The following FERMT1 variants were observed in gnomAD, a reference collection of about 807,000 sequenced individuals.
FERMT1 encodes fermitin family homolog 1.
In FERMT1, 60 loss-of-function variants were observed where a neutral mutation model predicts 85.3. The observed-to-expected ratio is 0.70, with a 90% CI of 0.57 to 0.87. The LOEUF is 0.87. FERMT1 is among the 40% of genes least tolerant of loss of function. The pLI is 0.00. For synonymous variants in FERMT1, 275 were observed against 301.1 expected, an observed-to-expected ratio of 0.91 and a Z score of 0.90; for missense variants, 701 against 818.9, an observed-to-expected ratio of 0.86 and a Z score of 1.76.
chr20:6,119,937 T>C (rs991048882), intron 1 of FERMT1, among the ~76,000 whole-genome samples: 2 of 152,214 alleles, frequency 1.3e-5, no homozygotes, highest in African/African-American at 2.4e-5. Flanking sequence ...ATCTTCCATA[T>C]TATCTTTTAA....
rs745933991 is a variant in FERMT1, at chr20:6,079,493, C to T, written c.1803G>A (p.Val601=). 1.2e-6 allele frequency: 2 copies of T among 1,613,910 alleles called. No individual in the cohort carries two copies. Among genetic ancestry groups the T allele is most frequent in the South Asian group, 1.1e-5 (1 of 91,068 alleles). ...TGATATTTGTGAATCTCCATGTTGT[C>T]ACTGGAATCCCGGTGGCTGCATCAA... The part of the protein sequence containing the change: ...IKIDAATGIP[V]TTWRFTNIKQ... Residue 601 remains valine (V), a synonymous_variant, in exon 14 of 15, where the codon GTG becomes GTA. Transcript: ENST00000217289.
chr20:6,100,010 G>C (rs979322146), intron 6 of FERMT1, among the ~76,000 whole-genome samples: 1 of 150,140 alleles, frequency 6.7e-6, no homozygotes, highest in Non-Finnish European at 1.5e-5. Flanking sequence ...GAGAGAAAAT[G>C]GATAGTGGTA....
At chr20:6,113,261 C>T (rs937189163) in intron 3 of FERMT1, among the ~76,000 whole-genome samples, 1 of 152,140 alleles carries the variant, frequency 6.6e-6, no homozygotes, top group African/African-American at 2.4e-5. Flanking sequence ...GTGAGGCCTC[C>T]CCAGCCATGT....
At chr20:6,096,104 G>A (rs1462018512) in intron 8 of FERMT1, among the ~76,000 whole-genome samples, 2 of 152,182 alleles carry the variant, frequency 1.3e-5, no homozygotes, top group Non-Finnish European at 2.9e-5. Flanking sequence ...GAGGGTTTTC[G>A]TTTGTCTCCT....
chr20:6,121,216 G>A (rs962279045), intron 1 of FERMT1, among the ~76,000 whole-genome samples: 6 of 152,102 alleles, frequency 3.9e-5, no homozygotes, highest in African/African-American at 9.7e-5. Flanking sequence ...TCTGCCTCCC[G>A]GGTTCAAGCA....
At chr20:6,077,557 T>C (rs933810142) in intron 14 of FERMT1, among the ~76,000 whole-genome samples, 5 of 152,330 alleles carry the variant, frequency 3.3e-5, no homozygotes, top group African/African-American at 1.2e-4. Context: ...TCGACTTTGC[T>C]GCACGTCTGG....
chr20:6,092,771 G>A (rs2123112477), intron 9 of FERMT1, among the ~76,000 whole-genome samples: 1 of 152,260 alleles, frequency 6.6e-6, no homozygotes, highest in East Asian at 1.9e-4. Flanking sequence ...ACACAGGACT[G>A]AAAGGTTCAT....
chr20:6,087,691 G>T (rs1417047327), intron 11 of FERMT1, 86 bp downstream of exon 11: 1 of 784,598 alleles, frequency 1.3e-6, no homozygotes, highest in Non-Finnish European at 2.4e-6. Flanking sequence ...ACACAATAGT[G>T]CTCTAAATTT....
rs1600419244 is a variant in FERMT1 at position 6,075,064 on chromosome 20, T to G, written c.*2109A>C. ...ATTTAGGTTTGTTTTTTTTTTTTTT[T>G]GTCACACTTGTTTATTTCTTTGGGA... On this transcript the variant is annotated 3_prime_UTR_variant, in exon 15 of 15. Transcript: ENST00000217289. 3 of 150,966 alleles carry G rather than the reference T, an allele frequency of 2.0e-5. No individual in the cohort carries two copies. Among genetic ancestry groups the G allele is most frequent in the East Asian group, 1.9e-4 (1 of 5,290 alleles). The allele number at this position is 150,966 out of a possible 1,614,324, so 9.4% of individuals were successfully genotyped here. A position where few individuals can be genotyped will look rare whatever the true frequency, so the allele number is the denominator to read the frequency against.
At chr20:6,085,738 T>C (rs750251276) in intron 11 of FERMT1, among the ~76,000 whole-genome samples, 28 of 151,802 alleles carry the variant, frequency 1.8e-4, no homozygotes, top group Non-Finnish European at 1.5e-5. Flanking sequence ...TAATCCCAGC[T>C]ACTTGGGAGG....
chr20:6,106,558 G>A (rs562289696), intron 6 of FERMT1, among the ~76,000 whole-genome samples: 28 of 152,264 alleles, frequency 1.8e-4, no homozygotes, highest in Admixed American at 1.6e-3. Context: ...CAGTCATCCA[G>A]TTTATATCGT....
At chr20:6,122,544 C>A (rs753152602) in intron 1 of FERMT1, among the ~76,000 whole-genome samples, 1 of 152,196 alleles carries the variant, frequency 6.6e-6, no homozygotes, top group East Asian at 1.9e-4. Flanking sequence ...ATAAAGCATG[C>A]CCCTTACTCC....
intron 14 of FERMT1, 106 bp from the exon 15 acceptor site, chr20:6,077,452 A>G: frequency 1.0e-6 from 1 of 988,688 alleles, no homozygotes; most frequent in Non-Finnish European, 1.6e-6. Flanking sequence ...GAGGTGGATA[A>G]CAGATGGATA....
intron 9 of FERMT1, among the ~76,000 whole-genome samples, chr20:6,089,366 A>C (rs1982283147): frequency 6.6e-6 from 1 of 152,170 alleles, no homozygotes; most frequent in Admixed American, 6.5e-5. Flanking sequence ...GGCTGCGTGC[A>C]CTGCCTCTGT....
In FERMT1 at chr20:6,076,970, G is replaced by A; in HGVS notation, c.*203C>T. On this transcript the variant is annotated 3_prime_UTR_variant, in exon 15 of 15. Coordinates refer to ENST00000217289, the MANE Select transcript of FERMT1 (RefSeq NM_017671.5). ...CCCATTTTATAGAAAAAACAAGAGA[G>A]GCTCCTTCCGTGGCTGGTAGCACAG... The A allele has an allele frequency of 1.7e-6, 1 of 604,424 alleles. No individual in the cohort carries two copies. Among genetic ancestry groups the A allele is most frequent in the South Asian group, 2.0e-5 (1 of 51,038 alleles). 37.4% of individuals were successfully genotyped at this position (604,424 alleles called of 1,614,324 possible).
rs139252668 is a variant in FERMT1 at position 6,097,587 on chromosome 20, C to T, written c.894G>A (p.Trp298Ter). Reference sequence around the variant, plus strand: ...AATCAATTTCTTCTAAGAGAATGGCCCACCTGGCTTGCTCATAGAGTTGGT... The same window carrying T: ...AATCAATTTCTTCTAAGAGAATGGCTCACCTGGCTTGCTCATAGAGTTGGT... ...RINQLYEQAR[W>*]AILLEEIDCT... is the part of the protein sequence containing the mutation. The change falls in exon 7 of 15, where the codon TGG (tryptophan) becomes TGA (stop). Residue 298 changes from tryptophan (W) to a stop codon, truncating the protein, a stop_gained. Coordinates refer to ENST00000217289, the MANE Select transcript of FERMT1 (RefSeq NM_017671.5). LOFTEE classifies it high-confidence loss of function. 23 of 1,613,850 alleles carry T rather than the reference C, an allele frequency of 1.4e-5. No homozygotes were observed. In the Admixed American group the frequency reaches 2.8e-4, roughly 20 times the overall value.
At chr20:6,082,718 C>T (rs554539478) in intron 13 of FERMT1, among the ~76,000 whole-genome samples, 1 of 152,254 alleles carries the variant, frequency 6.6e-6, no homozygotes, top group South Asian at 2.1e-4. Flanking sequence ...GGCAGTGGCG[C>T]GATCTCAGCT....
rs1367253194 is a variant in FERMT1, at chr20:6,077,209, C to G, written c.1998G>C (p.Glu666Asp). Residue 666 changes from glutamate to aspartate, a missense_variant, in exon 15 of 15, where the codon GAG becomes GAC. Physicochemically the swap from Glu to Asp is conservative, Grantham distance 45. Transcript: ENST00000217289. The stretch of plus-strand genomic sequence containing the variant: ...CGCCGGTCAATTTGTGGAACAAGTC[C>G]TCATCGAGTGTTTCATTCTGGTCCT... ...RSKDQNETLD[E>D]DLFHKLTGGQ... 6.2e-7 allele frequency: 1 copy of G among 1,614,014 alleles called. No individual in the cohort carries two copies. Among genetic ancestry groups the G allele is most frequent in the African/African-American group, 1.3e-5 (1 of 74,904 alleles).
rs139776396 is a variant in FERMT1 at position 6,121,419 on chromosome 20, C to T, written c.-19+1355G>A. Among the ~76,000 whole-genome samples, 700 of 152,346 alleles carry T rather than the reference C, an allele frequency of 4.6e-3. 6 individuals carry two copies. Among genetic ancestry groups the T allele is most frequent in the African/African-American group, 0.016 (668 of 41,592 alleles). On this transcript the variant is annotated intron_variant, in intron 1 of 14. Coordinates refer to ENST00000217289, the MANE Select transcript of FERMT1 (RefSeq NM_017671.5). Reference sequence around the variant, plus strand: ...ACAGGCGTGGGCCACCACGCCCAGCCGTTCCTTATGTTTCTATAGTCAGAA... The same window carrying T: ...ACAGGCGTGGGCCACCACGCCCAGCTGTTCCTTATGTTTCTATAGTCAGAA...
Sources: allele counts gnomAD v4.1 joint callset (sites outside exome capture counted in the v4.1 genomes callset), GRCh38; gene constraint gnomAD v4.1.1; transcripts MANE v1.5; gene names NCBI Gene and HGNC (gene_info 2026-07-23, HGNC 2026-07-21).